AFF3: variants seen among roughly 807,000 people sequenced by gnomAD.
The protein encoded by AFF3 is AF4/FMR2 family member 3.
Under a neutral mutation model 129.7 loss-of-function variants are expected in AFF3, and 32 were observed. The observed-to-expected ratio is 0.25, with a 90% confidence interval of 0.19 to 0.33. The LOEUF is 0.33. AFF3 is among the 10% of genes least tolerant of loss of function. The pLI is 1.00. For missense variants in AFF3, 1,373 were observed against 1,592.0 expected (o/e 0.86, Z 2.34); for synonymous variants, 644 against 635.4 (o/e 1.01, Z -0.20).
chr2:99,912,895 T>C (rs76551079), intron 7 of AFF3, among the ~76,000 whole-genome samples: 6,965 of 152,268 alleles, frequency 0.046, 407 homozygotes, highest in African/African-American at 0.14. Context: ...CAGAGATGCA[T>C]GTGAAGGGCT....
chr2:99,903,731 C>A (rs1040150147), intron 7 of AFF3, among the ~76,000 whole-genome samples: 9 of 152,120 alleles, frequency 5.9e-5, no homozygotes, highest in Non-Finnish European at 7.4e-5. Context: ...TCTGGGGTAT[C>A]TTAATGTTAC....
intron 7 of AFF3, among the ~76,000 whole-genome samples, chr2:99,996,279 C>A (rs1398286962): frequency 6.6e-6 from 1 of 151,990 alleles, no homozygotes; most frequent in Non-Finnish European, 1.5e-5. Context: ...AGCTTTAATC[C>A]CAATTTAATC....
At chr2:100,087,830 T>C (rs1689564859) in intron 4 of AFF3, among the ~76,000 whole-genome samples, 1 of 151,234 alleles carries the variant, frequency 6.6e-6, no homozygotes, top group African/African-American at 2.4e-5. Flanking sequence ...GTTCAACATA[T>C]AAAAATCAGT....
intron 7 of AFF3, among the ~76,000 whole-genome samples, chr2:99,872,203 A>G (rs28682406): frequency 0.5 from 63,136 of 126,328 alleles, 16,636 homozygotes; most frequent in African/African-American, 0.65. Flanking sequence ...GCGAGACTCC[A>G]TCTCAAAAAA....
intron 7 of AFF3, among the ~76,000 whole-genome samples, chr2:99,856,112 C>A (rs544759358): frequency 6.6e-6 from 1 of 151,894 alleles, no homozygotes; most frequent in Non-Finnish European, 1.5e-5. Context: ...GATATGACAA[C>A]GAAATGTGTG....
In AFF3 at chr2:99,716,582, C is replaced by CTATA. The variant is rs150305524; in HGVS notation, c.1091+10491_1091+10494dup. On this transcript the variant is annotated intron_variant, in intron 11 of 24. Transcript: ENST00000672756. The stretch of plus-strand genomic sequence containing the variant: ...ATCAGGTAAAAAAGCTGTCACATAA[C>CTATA]TATATATATATATATATAGGCTGGG... Among the ~76,000 whole-genome samples the CTATA allele has an allele frequency of 2.2e-3, 331 of 147,200 alleles. 4 individuals carry two copies. Among genetic ancestry groups the CTATA allele is most frequent in the African/African-American group, 7.3e-3 (293 of 40,250 alleles).
chr2:99,784,172 G>T (rs1166724690), intron 8 of AFF3, among the ~76,000 whole-genome samples: 1 of 152,194 alleles, frequency 6.6e-6, no homozygotes, highest in Non-Finnish European at 1.5e-5. Context: ...TCTGGATACA[G>T]CATCTGTCAA....
chr2:99,923,271 G>C (rs79919877), intron 7 of AFF3, among the ~76,000 whole-genome samples: 1 of 152,112 alleles, frequency 6.6e-6, no homozygotes, highest in Non-Finnish European at 1.5e-5. Context: ...AAGTTCAATG[G>C]CTCCTTAGAG....
intron 8 of AFF3, among the ~76,000 whole-genome samples, chr2:99,784,586 G>A (rs189835620): frequency 2.5e-4 from 38 of 152,258 alleles, no homozygotes; most frequent in East Asian, 9.6e-4. Flanking sequence ...ATATTGGAAC[G>A]GCATAAAGCT....
intron 7 of AFF3, among the ~76,000 whole-genome samples, chr2:99,902,355 C>T (rs1285874216): frequency 6.6e-6 from 1 of 151,998 alleles, no homozygotes; most frequent in African/African-American, 2.4e-5. Context: ...GAGCGATAAA[C>T]TCTGATTTCC....
intron 7 of AFF3, among the ~76,000 whole-genome samples, chr2:99,975,209 G>A (rs1296857455): frequency 1.3e-5 from 2 of 152,272 alleles, no homozygotes; most frequent in East Asian, 1.9e-4. Context: ...AGGGATACAC[G>A]GTTGACTTGA....
intron 4 of AFF3, among the ~76,000 whole-genome samples, chr2:100,050,447 G>A (rs1444388703): frequency 2.0e-5 from 3 of 152,038 alleles, no homozygotes; most frequent in Admixed American, 6.5e-5. Flanking sequence ...CTCCTGGATC[G>A]AATATTCTTG....
chr2:100,008,948 G>A lies in AFF3; in HGVS notation c.54-16C>T. 1 of 1,613,052 alleles carries A rather than the reference G, an allele frequency of 6.2e-7. No homozygotes were observed. Among genetic ancestry groups the A allele is most frequent in the Non-Finnish European group, 8.5e-7 (1 of 1,179,572 alleles). On this transcript the variant is annotated splice_polypyrimidine_tract_variant and intron_variant, in intron 4 of 24. Coordinates refer to ENST00000672756, the MANE Select transcript of AFF3 (RefSeq NM_001386135.1). Reference sequence around the variant, plus strand: ...TTCATAGACACTGCATCAGGAAAAAGAAGAGAGAACAACCACACACACAAA... The same window carrying A: ...TTCATAGACACTGCATCAGGAAAAAAAAGAGAGAACAACCACACACACAAA...
intron 13 of AFF3, among the ~76,000 whole-genome samples, chr2:99,615,720 G>A (rs1464414095): frequency 6.6e-6 from 1 of 152,246 alleles, no homozygotes; most frequent in Admixed American, 6.5e-5. Flanking sequence ...TGGCTGGCGG[G>A]TGGGATGGCC....
At chr2:100,136,326 T>A (rs1692641012) in intron 1 of AFF3, among the ~76,000 whole-genome samples, 1 of 151,206 alleles carries the variant, frequency 6.6e-6, no homozygotes, top group African/African-American at 2.4e-5. Context: ...GTGGGAGAGG[T>A]GGAGAAGGCA....
rs576997546 is a variant in AFF3, at chr2:100,003,813, C to G, written c.873+2819G>C. On this transcript the variant is annotated intron_variant, in intron 7 of 24. Transcript: ENST00000672756. ...TTAAAAATAATACAGAATTGTTTTT[C>G]TACTACAAGGGTGATGAAGGTGAGG... Among the ~76,000 whole-genome samples the G allele has an allele frequency of 9.9e-5, 15 of 152,202 alleles. No homozygotes were observed. The South Asian group carries it at 2.9e-3, about 29-fold the overall frequency.
At chr2:99,666,717 A>G (rs1041828337) in intron 12 of AFF3, among the ~76,000 whole-genome samples, 2 of 152,246 alleles carry the variant, frequency 1.3e-5, no homozygotes, top group African/African-American at 4.8e-5. Flanking sequence ...AAAAAGTTAC[A>G]TTATGAAAGC....
At chr2:100,004,295 A>C (rs1681735224) in intron 7 of AFF3, among the ~76,000 whole-genome samples, 1 of 152,194 alleles carries the variant, frequency 6.6e-6, no homozygotes, top group African/African-American at 2.4e-5. Flanking sequence ...TCATACCAGC[A>C]GTATCTTTAT....
chr2:100,018,026 G>A (rs1481515555), intron 4 of AFF3, among the ~76,000 whole-genome samples: 2 of 123,338 alleles, frequency 1.6e-5, no homozygotes, highest in African/African-American at 6.4e-5. Flanking sequence ...GTGTGTGTGT[G>A]TGTGTGTATA....
Sources: allele counts gnomAD v4.1 joint callset (sites outside exome capture counted in the v4.1 genomes callset), GRCh38; gene constraint gnomAD v4.1.1; transcripts MANE v1.5; gene names NCBI Gene and HGNC (gene_info 2026-07-23, HGNC 2026-07-21).